The following ARL15 variants were observed in gnomAD, a reference collection of about 807,000 sequenced individuals.
ARL15 encodes the protein ARF like GTPase 15, also known as ADP-ribosylation factor-like protein 15.
ARL15 carries 19 observed loss-of-function variants against 25.2 expected under a neutral mutation model. The ratio of observed to expected loss-of-function variants is 0.75; its 90% confidence interval spans 0.53 to 1.10. The LOEUF is 1.10. ARL15 is among the 50% of genes least tolerant of loss of function. The pLI, the probability that ARL15 is intolerant of heterozygous loss-of-function variation, is 0.00. For synonymous variants in ARL15, 94 were observed against 86.8 expected (o/e 1.08, Z -0.46); for missense variants, 220 against 246.0 (o/e 0.89, Z 0.71).
intron 1 of ARL15, among the ~76,000 whole-genome samples, chr5:54,288,109 GAA>G (rs1324567849): frequency 6.6e-6 from 1 of 150,506 alleles, no homozygotes; most frequent in Non-Finnish European, 1.5e-5. Context: ...AAGCAGAGGA[GAA>G]TAACAACCCT....
At chr5:53,915,851 T>C (rs1745626702) in intron 4 of ARL15, among the ~76,000 whole-genome samples, 1 of 152,218 alleles carries the variant, frequency 6.6e-6, no homozygotes, top group African/African-American at 2.4e-5. Flanking sequence ...GATTTAAGGT[T>C]GGTTTTTGAT....
At chr5:54,180,322 T>C (rs1755020695) in intron 1 of ARL15, among the ~76,000 whole-genome samples, 1 of 152,170 alleles carries the variant, frequency 6.6e-6, no homozygotes, top group African/African-American at 2.4e-5. Flanking sequence ...ATCCTATCTT[T>C]CTAGTTGTAA....
At chr5:54,226,409 T>G (rs1329914413) in intron 1 of ARL15, among the ~76,000 whole-genome samples, 1 of 152,106 alleles carries the variant, frequency 6.6e-6, no homozygotes, top group Non-Finnish European at 1.5e-5. Flanking sequence ...TGGAAAGGGT[T>G]GAAGCTGGCT....
At chr5:54,179,309 T>C (rs1754978398) in intron 1 of ARL15, among the ~76,000 whole-genome samples, 1 of 152,158 alleles carries the variant, frequency 6.6e-6, no homozygotes, top group South Asian at 2.1e-4. Context: ...GTTCATGCCC[T>C]CAAGTCAGGG....
intron 1 of ARL15, among the ~76,000 whole-genome samples, chr5:54,305,093 T>A (rs1040002085): frequency 6.6e-6 from 1 of 152,214 alleles, no homozygotes; most frequent in African/African-American, 2.4e-5. Flanking sequence ...CACTGAGACA[T>A]ACATTTTTAT....
At chr5:54,255,850 T>A (rs1437810656) in intron 1 of ARL15, among the ~76,000 whole-genome samples, 1 of 152,160 alleles carries the variant, frequency 6.6e-6, no homozygotes, top group Non-Finnish European at 1.5e-5. Context: ...ATGGAAATTT[T>A]AAAATTCTTC....
chr5:53,891,814 C>A (rs1744719443), intron 4 of ARL15, among the ~76,000 whole-genome samples: 1 of 152,190 alleles, frequency 6.6e-6, no homozygotes, highest in African/African-American at 2.4e-5. Flanking sequence ...CCCATAACTT[C>A]ATTCACTCAG....
At chr5:54,121,138 T>G (rs1198813435) in intron 3 of ARL15, among the ~76,000 whole-genome samples, 1 of 152,218 alleles carries the variant, frequency 6.6e-6, no homozygotes, top group Non-Finnish European at 1.5e-5. Context: ...TCCCTCACTT[T>G]GAGTGTTTTT....
intron 1 of ARL15, among the ~76,000 whole-genome samples, chr5:54,273,379 G>A (rs1579971964): frequency 6.6e-6 from 1 of 152,138 alleles, no homozygotes; most frequent in East Asian, 1.9e-4. Context: ...GAATATTCCT[G>A]TCCAAAATGT....
intron 4 of ARL15, among the ~76,000 whole-genome samples, chr5:54,006,564 A>C (rs1343408449): frequency 6.6e-6 from 1 of 152,140 alleles, no homozygotes; most frequent in African/African-American, 2.4e-5. Flanking sequence ...TGGAGAACAT[A>C]CTGTTCCAAT....
chr5:54,000,255 A>C (rs1018424646), intron 4 of ARL15, among the ~76,000 whole-genome samples: 1 of 152,202 alleles, frequency 6.6e-6, no homozygotes, highest in African/African-American at 2.4e-5. Flanking sequence ...CCAACAAAAA[A>C]CAAAAACACC....
chr5:54,089,801 A>T, intron 4 of ARL15, among the ~76,000 whole-genome samples: 1 of 152,354 alleles, frequency 6.6e-6, no homozygotes, highest in East Asian at 1.9e-4. Context: ...GCATGTATTA[A>T]TATTATATTC....
intron 4 of ARL15, among the ~76,000 whole-genome samples, chr5:54,071,522 C>T (rs397778579): frequency 2.7e-5 from 3 of 111,674 alleles, no homozygotes; most frequent in Non-Finnish European, 5.3e-5. Context: ...CCCCCCCCCC[C>T]CCCGCAAAGC....
At chr5:53,894,356 C>T (rs1326923132) in intron 4 of ARL15, among the ~76,000 whole-genome samples, 1 of 152,106 alleles carries the variant, frequency 6.6e-6, no homozygotes, top group Non-Finnish European at 1.5e-5. Context: ...ACCCAGTCTT[C>T]CAATGCACGG....
intron 4 of ARL15, among the ~76,000 whole-genome samples, chr5:54,016,914 C>T (rs979526190): frequency 2.6e-5 from 4 of 152,114 alleles, no homozygotes; most frequent in South Asian, 2.1e-4. Context: ...TTTTTGAGAA[C>T]GGAGAGATCG....
intron 4 of ARL15, among the ~76,000 whole-genome samples, chr5:53,907,488 A>ATTTTTG (rs1745305474): frequency 1.1e-4 from 2 of 18,012 alleles, no homozygotes; most frequent in African/African-American, 5.8e-4. Context: ...ATATATATAT[A>ATTTTTG]TTTTTTTTTT....
At chr5:54,287,605 C>T (rs1185530568) in intron 1 of ARL15, among the ~76,000 whole-genome samples, 2 of 151,856 alleles carry the variant, frequency 1.3e-5, no homozygotes, top group Non-Finnish European at 2.9e-5. Flanking sequence ...CTTCTCAGTC[C>T]GATATCAATT....
chr5:54,163,854 T>C (rs1057129698), intron 2 of ARL15, among the ~76,000 whole-genome samples: 6 of 152,042 alleles, frequency 3.9e-5, no homozygotes, highest in African/African-American at 1.4e-4. Context: ...AAGAACTAGC[T>C]TTTGGTTTTA....
At chr5:54,002,804 T>C (rs967098367) in intron 4 of ARL15, among the ~76,000 whole-genome samples, 10 of 152,338 alleles carry the variant, frequency 6.6e-5, no homozygotes, top group South Asian at 2.1e-4. Flanking sequence ...TGCTGCCCTG[T>C]AATATATGTT....
Sources: gnomAD v4.1 joint callset for allele counts (sites outside exome capture counted in the v4.1 genomes callset) on GRCh38, gnomAD v4.1.1 for gene constraint, MANE v1.5 for transcripts, NCBI Gene and HGNC (gene_info 2026-07-23, HGNC 2026-07-21) for gene names.